Variants in CFAP61 observed in about 807,000 individuals in gnomAD.
CFAP61 encodes cilia- and flagella-associated protein 61.
A neutral mutation model predicts 135.6 loss-of-function variants in CFAP61; 107 were observed. That is an observed-to-expected ratio of 0.79 (90% CI 0.67 to 0.93). The LOEUF (loss-of-function observed/expected upper bound fraction) is 0.93. Among genes scored for constraint, CFAP61 ranks in the 40% least tolerant of loss-of-function variants. The probability of loss-of-function intolerance (pLI) is 0.00; values close to 1 mark genes in which losing one functional copy is unlikely to be tolerated. For missense variants in CFAP61, 1,507 were observed against 1,556.2 expected (o/e 0.97, Z 0.53); for synonymous variants, 575 against 578.5 (o/e 0.99, Z 0.09).
chr20:20,118,882 A>G (rs1392452709), intron 8 of CFAP61, among the ~76,000 whole-genome samples: 2 of 151,056 alleles, frequency 1.3e-5, no homozygotes, highest in African/African-American at 4.9e-5. Flanking sequence ...AGAATTTTGC[A>G]ATGTTTCCCA....
At chr20:20,055,988 C>T (rs75589135) in intron 1 of CFAP61, 87 of 1,610,510 alleles carry the variant, frequency 5.4e-5, no homozygotes, top group Admixed American at 2.9e-4. Context: ...CCTTCTGGAA[C>T]GTTAGGTTCT....
At chr20:20,305,147 C>T (rs1457750203) in intron 25 of CFAP61, among the ~76,000 whole-genome samples, 1 of 152,216 alleles carries the variant, frequency 6.6e-6, no homozygotes, top group Non-Finnish European at 1.5e-5. Context: ...CCGCACACGC[C>T]GGTGGCCTAC....
intron 13 of CFAP61, chr20:20,171,653 A>AC (rs1158075272): frequency 5.0e-5 from 22 of 438,380 alleles, no homozygotes; most frequent in Middle Eastern, 4.4e-4. Flanking sequence ...TTTATTCTTG[A>AC]CCATAATTTA....
intron 19 of CFAP61, among the ~76,000 whole-genome samples, chr20:20,246,909 G>C (rs147586348): frequency 6.6e-6 from 1 of 152,056 alleles, no homozygotes; most frequent in East Asian, 1.9e-4. Flanking sequence ...TTTTGCCTTC[G>C]AACAATGAGA....
intron 17 of CFAP61, chr20:20,226,218 T>C (rs2048725110): frequency 6.6e-6 from 1 of 152,220 alleles, no homozygotes; most frequent in South Asian, 2.1e-4. Flanking sequence ...AACTCATGGA[T>C]GTTAGGCTCA....
intron 9 of CFAP61, among the ~76,000 whole-genome samples, chr20:20,147,367 T>A (rs2051982116): frequency 6.6e-6 from 1 of 152,226 alleles, no homozygotes; most frequent in Non-Finnish European, 1.5e-5. Context: ...CCACTGGCAG[T>A]GTAAAAGTGT....
chr20:20,149,505 CA>C (rs749156413), intron 9 of CFAP61, among the ~76,000 whole-genome samples: 30 of 152,280 alleles, frequency 2.0e-4, no homozygotes, highest in South Asian at 8.3e-4. Context: ...CTGCAATTGC[CA>C]CAAGACAGGC....
intron 8 of CFAP61, among the ~76,000 whole-genome samples, chr20:20,125,817 T>C (rs1568958341): frequency 1.3e-5 from 2 of 151,836 alleles, no homozygotes; most frequent in South Asian, 4.1e-4. Flanking sequence ...AGTGGAGAAC[T>C]GAAGTCCCCC....
intron 9 of CFAP61, among the ~76,000 whole-genome samples, chr20:20,143,204 C>G (rs1039026915): frequency 7.9e-5 from 12 of 152,222 alleles, no homozygotes; most frequent in Non-Finnish European, 1.5e-4. Flanking sequence ...CTCTACCTTC[C>G]TCCCTGACTT....
At chr20:20,086,049 C>T (rs1275118480) in intron 6 of CFAP61, among the ~76,000 whole-genome samples, 1 of 152,088 alleles carries the variant, frequency 6.6e-6, no homozygotes, top group East Asian at 1.9e-4. Flanking sequence ...AGAGAGCAGG[C>T]TTTAGTGCGT....
At chr20:20,169,533 C>G (rs191463686) in intron 13 of CFAP61, 73 bp downstream of exon 13, 15 of 1,275,630 alleles carry the variant, frequency 1.2e-5, no homozygotes, top group Non-Finnish European at 1.6e-5. Context: ...GAACTCCCTG[C>G]TATTATAATT....
intron 8 of CFAP61, among the ~76,000 whole-genome samples, chr20:20,118,960 G>T (rs2049395596): frequency 6.6e-6 from 1 of 152,140 alleles, no homozygotes; most frequent in Non-Finnish European, 1.5e-5. Context: ...GATACTGTAG[G>T]TATGTAACAT....
chr20:20,132,838 A>C lies in CFAP61; in HGVS notation c.860-10019A>C, dbSNP rs145509381. 5.8e-3 allele frequency among the ~76,000 whole-genome samples: 880 copies of C among 152,010 alleles called. 4 individuals carry two copies. Among genetic ancestry groups the C allele is most frequent in the Non-Finnish European group, 8.7e-3 (588 of 67,948 alleles). Reference sequence around the variant, plus strand: ...TTTCTTTGATTTTTACTTACATGCCATATTTTTTTCCTGTCCTTCTATTTT... The same window carrying C: ...TTTCTTTGATTTTTACTTACATGCCCTATTTTTTTCCTGTCCTTCTATTTT... On this transcript the variant is annotated intron_variant, in intron 8 of 26. Transcript: ENST00000245957.
intron 8 of CFAP61, among the ~76,000 whole-genome samples, chr20:20,099,662 C>T (rs576202354): frequency 2.0e-5 from 3 of 152,246 alleles, no homozygotes; most frequent in East Asian, 3.9e-4. Flanking sequence ...TGATCATCAC[C>T]GTTAGCAATT....
chr20:20,169,288 C>T (rs747800656), intron 12 of CFAP61, 33 bp from the exon 13 acceptor site: 3 of 1,567,776 alleles, frequency 1.9e-6, no homozygotes, highest in South Asian at 1.2e-5. Context: ...TTTTTTTATT[C>T]TTTCTCTGTG....
At chr20:20,100,103 C>T (rs965016093) in intron 8 of CFAP61, among the ~76,000 whole-genome samples, 2 of 151,962 alleles carry the variant, frequency 1.3e-5, no homozygotes, top group African/African-American at 4.8e-5. Context: ...CAGTGTGAGA[C>T]AGTCTGGAAC....
In CFAP61 at chr20:20,196,612, A is replaced by T; in HGVS notation, c.1633A>T (p.Ile545Phe). The T allele has an allele frequency of 6.2e-7, 1 of 1,614,132 alleles. No homozygotes were observed. Among genetic ancestry groups the T allele is most frequent in the South Asian group, 1.1e-5 (1 of 91,076 alleles). ...GTCCCATTACAACATTGAAGATTTC[A>T]TCTACTTCAGTCACCACCAGCGCGA... ...IRSHYNIEDF[I>F]YFSHHQREEH... Residue 545 changes from isoleucine to phenylalanine, a missense_variant, in exon 16 of 27, where the codon ATC (isoleucine) becomes TTC (phenylalanine). Physicochemically the swap from Ile to Phe is conservative, Grantham distance 21. Transcript: ENST00000245957.
At position 20,288,661 on chromosome 20, in the gene CFAP61, T is replaced by C; in HGVS notation, c.2849T>C (p.Leu950Pro). ...KNVDYETFKA[L>P]NDACLVYDSR... ...GTGGATTATGAAACGTTTAAAGCCC[T>C]CAATGATGCATGTCTTGTGTATGAC... The change falls in exon 23 of 27, where the codon CTC (leucine) becomes CCC (proline). Residue 950 changes from leucine to proline, a missense_variant. Coordinates refer to ENST00000245957, the MANE Select transcript of CFAP61 (RefSeq NM_015585.4). The C allele has an allele frequency of 1.2e-6, 2 of 1,614,158 alleles. No homozygotes were observed. The highest frequency in any genetic ancestry group is 1.7e-6 in the Non-Finnish European group (2 of 1,179,988).
intron 21 of CFAP61, among the ~76,000 whole-genome samples, chr20:20,274,615 C>A (rs143113294): frequency 6.6e-6 from 1 of 151,918 alleles, no homozygotes. Context: ...GAGCTGAGAT[C>A]GCGCCACTGC....
Sources: gnomAD v4.1 joint callset for allele counts (sites outside exome capture counted in the v4.1 genomes callset) on GRCh38, gnomAD v4.1.1 for gene constraint, MANE v1.5 for transcripts, NCBI Gene and HGNC (gene_info 2026-07-23, HGNC 2026-07-21) for gene names.